TCERG1L: variants seen among roughly 807,000 people sequenced by gnomAD.
TCERG1L encodes the protein transcription elongation regulator 1 like, also known as transcription elongation regulator 1-like protein.
Under a neutral mutation model 56.3 loss-of-function variants are expected in TCERG1L, and 37 were observed. That is an observed-to-expected ratio of 0.66 (90% CI 0.51 to 0.87). The LOEUF is 0.87. TCERG1L is among the 40% of genes least tolerant of loss of function. The probability of loss-of-function intolerance (pLI) is 0.00; values close to 1 mark genes in which losing one functional copy is unlikely to be tolerated. For missense variants in TCERG1L, 799 were observed against 774.2 expected (o/e 1.03, Z -0.38); for synonymous variants, 324 against 326.3 (o/e 0.99, Z 0.08).
At chr10:131,170,192 T>C (rs1292849834) in intron 4 of TCERG1L, among the ~76,000 whole-genome samples, 1 of 151,996 alleles carries the variant, frequency 6.6e-6, no homozygotes, top group Non-Finnish European at 1.5e-5. Context: ...CTCACACACA[T>C]AATTGGGTCT....
intron 3 of TCERG1L, among the ~76,000 whole-genome samples, chr10:131,277,386 T>A (rs1846404029): frequency 6.6e-6 from 1 of 152,200 alleles, no homozygotes. Context: ...GAGCGGTCAC[T>A]GCAGCTGCCC....
chr10:131,166,572 C>T (rs187265317), intron 5 of TCERG1L, among the ~76,000 whole-genome samples: 1 of 152,208 alleles, frequency 6.6e-6, no homozygotes, highest in Non-Finnish European at 1.5e-5. Context: ...CCAACAGAGT[C>T]CCCCAGGGAG....
At chr10:131,199,236 T>G (rs910277561) in intron 4 of TCERG1L, among the ~76,000 whole-genome samples, 3 of 152,196 alleles carry the variant, frequency 2.0e-5, no homozygotes, top group Non-Finnish European at 4.4e-5. Flanking sequence ...TTGGCTACCC[T>G]TGGTGCTCTC....
chr10:131,178,053 C>T (rs1358410737), intron 4 of TCERG1L, among the ~76,000 whole-genome samples: 2 of 152,132 alleles, frequency 1.3e-5, no homozygotes, highest in African/African-American at 4.8e-5. Flanking sequence ...CCCTTTACTC[C>T]CGGGGCTTTC....
intron 6 of TCERG1L, among the ~76,000 whole-genome samples, chr10:131,160,569 C>T (rs1485107584): frequency 1.3e-5 from 2 of 152,194 alleles, no homozygotes; most frequent in Admixed American, 6.5e-5. Context: ...CCCACAAGGA[C>T]CTGCTAAGTC....
intron 4 of TCERG1L, among the ~76,000 whole-genome samples, chr10:131,204,852 G>A (rs952215600): frequency 6.6e-6 from 1 of 152,206 alleles, no homozygotes; most frequent in African/African-American, 2.4e-5. Context: ...AACAGGCAGA[G>A]GAAGGGATCC....
At chr10:131,296,228 A>C (rs1846688683) in intron 3 of TCERG1L, among the ~76,000 whole-genome samples, 1 of 152,150 alleles carries the variant, frequency 6.6e-6, no homozygotes, top group African/African-American at 2.4e-5. Flanking sequence ...TGTTTTCTTC[A>C]GAATTTAGTT....
chr10:131,199,546 G>A (rs1259115332), intron 4 of TCERG1L, among the ~76,000 whole-genome samples: 3 of 148,370 alleles, frequency 2.0e-5, no homozygotes, highest in South Asian at 4.2e-4. Context: ...CCTTGTTGCT[G>A]AGAAAGAAAA....
At chr10:131,235,599 A>G (rs899871435) in intron 4 of TCERG1L, among the ~76,000 whole-genome samples, 12 of 152,280 alleles carry the variant, frequency 7.9e-5, no homozygotes, top group African/African-American at 2.9e-4. Context: ...GTGCATTAAC[A>G]GAATTAGATC....
At chr10:131,170,177 A>C (rs1846074470) in intron 4 of TCERG1L, among the ~76,000 whole-genome samples, 1 of 152,138 alleles carries the variant, frequency 6.6e-6, no homozygotes, top group African/African-American at 2.4e-5. Flanking sequence ...GGGTGGCACC[A>C]GGGGCTCACA....
rs181454301 is a variant in TCERG1L, at chr10:131,309,008, T to A, written c.489+145A>T. ...CAGCTGATATTTTTGAACAAATCAA[T>A]CTAATCCTGAAATGATTTATTTCTA... On this transcript the variant is annotated intron_variant, in intron 2 of 11. Transcript: ENST00000368642. 3.8e-5 allele frequency: 36 copies of A among 941,324 alleles called. No individual in the cohort carries two copies. The African/African-American group carries it at 5.7e-4, about 15-fold the overall frequency. 58.3% of individuals were successfully genotyped at this position (941,324 alleles called of 1,614,324 possible).
intron 3 of TCERG1L, among the ~76,000 whole-genome samples, chr10:131,274,216 T>C (rs1440653133): frequency 2.0e-5 from 3 of 152,230 alleles, no homozygotes; most frequent in African/African-American, 7.2e-5. Flanking sequence ...CACATTTTCA[T>C]ATTCTAAAAC....
At chr10:131,109,803 T>G (rs769660214) in intron 9 of TCERG1L, among the ~76,000 whole-genome samples, 3 of 152,212 alleles carry the variant, frequency 2.0e-5, no homozygotes, top group Non-Finnish European at 4.4e-5. Context: ...CATTAGTGTC[T>G]GGGTTGCAAT....
intron 4 of TCERG1L, among the ~76,000 whole-genome samples, chr10:131,212,351 C>T (rs934306840): frequency 1.3e-5 from 2 of 152,098 alleles, no homozygotes; most frequent in African/African-American, 4.8e-5. Flanking sequence ...TAAGGGTATA[C>T]CAGTGCATGA....
At chr10:131,126,200 TCACTCC>T (rs1845563891) in intron 8 of TCERG1L, among the ~76,000 whole-genome samples, 1 of 152,202 alleles carries the variant, frequency 6.6e-6, no homozygotes, top group Admixed American at 6.5e-5. Context: ...GCTGGACAGC[TCACTCC>T]CAGTCTTCAG....
intron 3 of TCERG1L, among the ~76,000 whole-genome samples, chr10:131,261,398 C>A (rs1415334430): frequency 4.6e-5 from 7 of 152,084 alleles, no homozygotes; most frequent in Admixed American, 4.6e-4. Context: ...GTCGTGTGAC[C>A]CACCCACATG....
intron 7 of TCERG1L, among the ~76,000 whole-genome samples, chr10:131,146,282 T>C (rs565652220): frequency 1.7e-4 from 26 of 152,296 alleles, no homozygotes; most frequent in African/African-American, 6.0e-4. Context: ...TTAATCACCT[T>C]ACGTGATGCA....
chr10:131,120,335 G>C (rs1845500576), intron 8 of TCERG1L, among the ~76,000 whole-genome samples: 1 of 152,210 alleles, frequency 6.6e-6, no homozygotes, highest in Non-Finnish European at 1.5e-5. Flanking sequence ...CCCCCGCCAT[G>C]ATTTTCCCTT....
chr10:131,238,398 G>T (rs930615940), intron 4 of TCERG1L, among the ~76,000 whole-genome samples: 1 of 152,194 alleles, frequency 6.6e-6, no homozygotes, highest in Non-Finnish European at 1.5e-5. Flanking sequence ...CAGGGCGGGG[G>T]TCTCCCCACG....
Sources: gnomAD v4.1 joint callset for allele counts (sites outside exome capture counted in the v4.1 genomes callset) on GRCh38, gnomAD v4.1.1 for gene constraint, MANE v1.5 for transcripts, NCBI Gene and HGNC (gene_info 2026-07-23, HGNC 2026-07-21) for gene names.